CACNA1A: variants seen among roughly 807,000 people sequenced by gnomAD.
CACNA1A encodes voltage-dependent P/Q-type calcium channel subunit alpha-1A.
A neutral mutation model predicts 262.4 loss-of-function variants in CACNA1A; 57 were observed. That is an observed-to-expected ratio of 0.22 (90% CI 0.18 to 0.27). The LOEUF is 0.27. Ranked by LOEUF, CACNA1A falls within the 10% of genes least tolerant of loss-of-function variation. The pLI is 1.00. For missense variants in CACNA1A, 2,526 were observed against 3,562.8 expected (o/e 0.71, Z 7.41); for synonymous variants, 1,431 against 1,419.3 (o/e 1.01, Z -0.18).
intron 24 of CACNA1A, chr19:13,272,856 T>C (rs2144819321): frequency 6.6e-6 from 1 of 152,326 alleles, no homozygotes; most frequent in Non-Finnish European, 1.5e-5. Context: ...TAAAACATTC[T>C]GGCTTTTCAG....
chr19:13,464,743 T>C (rs1285630987), intron 1 of CACNA1A, among the ~76,000 whole-genome samples: 3 of 151,162 alleles, frequency 2.0e-5, no homozygotes, highest in Non-Finnish European at 4.4e-5. Flanking sequence ...AGAGACGGGG[T>C]TTCACCGTGT....
intron 3 of CACNA1A, among the ~76,000 whole-genome samples, chr19:13,390,570 T>G (rs2059694060): frequency 6.6e-6 from 1 of 152,202 alleles, no homozygotes; most frequent in Non-Finnish European, 1.5e-5. Flanking sequence ...TAAATTTCAT[T>G]TAATTCTAAA....
intron 1 of CACNA1A, among the ~76,000 whole-genome samples, chr19:13,466,723 G>C (rs1291043068): frequency 2.0e-5 from 3 of 151,512 alleles, no homozygotes; most frequent in African/African-American, 4.9e-5. Context: ...ATCATCATCT[G>C]ACCACGCATC....
intron 19 of CACNA1A, among the ~76,000 whole-genome samples, chr19:13,293,659 T>C (rs2057595747): frequency 1.3e-5 from 2 of 150,338 alleles, no homozygotes; most frequent in Admixed American, 6.7e-5. Flanking sequence ...GGTTTCACCA[T>C]ATTAGCCAGG....
intron 24 of CACNA1A, among the ~76,000 whole-genome samples, chr19:13,263,909 T>G (rs1266163648): frequency 6.6e-6 from 1 of 152,136 alleles, no homozygotes; most frequent in Non-Finnish European, 1.5e-5. Context: ...GGAAGATACT[T>G]AAAGTGGCCC....
intron 19 of CACNA1A, among the ~76,000 whole-genome samples, chr19:13,296,415 G>A (rs1009265172): frequency 6.6e-6 from 1 of 152,200 alleles, no homozygotes; most frequent in Non-Finnish European, 1.5e-5. Context: ...CTATTTTAAT[G>A]GGTAAGTTGT....
intron 2 of CACNA1A, among the ~76,000 whole-genome samples, chr19:13,453,652 C>T (rs1446723499): frequency 6.6e-6 from 1 of 152,208 alleles, no homozygotes; most frequent in Non-Finnish European, 1.5e-5. Flanking sequence ...TCCAGTTCCT[C>T]TGCAGAACCT....
chr19:13,372,449 G>C (rs1391332115), intron 3 of CACNA1A, among the ~76,000 whole-genome samples: 1 of 152,220 alleles, frequency 6.6e-6, no homozygotes, highest in African/African-American at 2.4e-5. Context: ...TGGGATTACA[G>C]GCGTGAGCCA....
chr19:13,290,040 T>C (rs1244853737), intron 19 of CACNA1A, among the ~76,000 whole-genome samples: 1 of 151,612 alleles, frequency 6.6e-6, no homozygotes, highest in African/African-American at 2.4e-5. Flanking sequence ...GTGATTCTCC[T>C]GCCTCAGCCT....
intron 31 of CACNA1A, among the ~76,000 whole-genome samples, chr19:13,238,253 C>T (rs2055945701): frequency 6.6e-6 from 1 of 152,140 alleles, no homozygotes; most frequent in South Asian, 2.1e-4. Flanking sequence ...GGTGCAGCTT[C>T]CTCTCTTCAA....
chr19:13,258,438 T>C (rs2144752620), intron 27 of CACNA1A: 1 of 152,372 alleles, frequency 6.6e-6, no homozygotes, highest in African/African-American at 2.4e-5. Flanking sequence ...CTTCACATGA[T>C]AGGCATGATA....
At chr19:13,245,394 G>A (rs559383870) in intron 30 of CACNA1A, 129 bp from the exon 31 acceptor site, 34 of 720,062 alleles carry the variant, frequency 4.7e-5, no homozygotes, top group East Asian at 1.1e-4. Context: ...ATGGTTGTTC[G>A]AAGGGCTGCG....
chr19:13,347,431 A>G (rs2145196646), intron 6 of CACNA1A, among the ~76,000 whole-genome samples: 3 of 152,096 alleles, frequency 2.0e-5, no homozygotes. Context: ...CTACTGTTTT[A>G]TTCTATCCCG....
intron 3 of CACNA1A, among the ~76,000 whole-genome samples, chr19:13,425,864 T>A (rs2060394004): frequency 6.6e-6 from 1 of 152,124 alleles, no homozygotes. Context: ...AAAACCAGCC[T>A]GGCCAACGTG....
chr19:13,223,583 C>T (rs2055317924), intron 38 of CACNA1A, among the ~76,000 whole-genome samples: 1 of 152,130 alleles, frequency 6.6e-6, no homozygotes, highest in Non-Finnish European at 1.5e-5. Context: ...CCTCAGTGGC[C>T]GGAGGGAACC....
intron 1 of CACNA1A, among the ~76,000 whole-genome samples, chr19:13,465,402 T>C (rs927220049): frequency 4.6e-5 from 7 of 152,248 alleles, no homozygotes; most frequent in African/African-American, 1.4e-4. Flanking sequence ...AAAATCTTCA[T>C]TGGACATTTC....
chr19:13,285,003 C>T (rs1223998328), intron 21 of CACNA1A, 65 bp downstream of exon 21: 1 of 1,576,584 alleles, frequency 6.3e-7, no homozygotes, highest in Non-Finnish European at 8.7e-7. Context: ...CTCTATCTGG[C>T]CTGACTTCCG....
Position 13,308,649 on chromosome 19 carries a change from G to A in CACNA1A, c.1669-121C>T, listed in dbSNP as rs377220050. 10 of 610,556 alleles carry A rather than the reference G, an allele frequency of 1.6e-5. No homozygotes were observed. Among genetic ancestry groups the A allele is most frequent in the African/African-American group, 3.7e-5 (2 of 53,998 alleles). The allele number at this position is 610,556 out of a possible 1,614,324, so 37.8% of individuals were successfully genotyped here. On this transcript the variant is annotated intron_variant, in intron 12 of 46. Transcript: ENST00000360228. The surrounding 1 kb of genome is among the most constrained non-coding windows in gnomAD (Gnocchi z 4.2). Reference sequence around the variant, plus strand: ...AAACTCCTCCCTCCAAATGGAAGCCGGGTGAGGATCCTTGACCCCCTCATT... The same window carrying A: ...AAACTCCTCCCTCCAAATGGAAGCCAGGTGAGGATCCTTGACCCCCTCATT...
chr19:13,294,985 C>T (rs2057631633), intron 19 of CACNA1A, among the ~76,000 whole-genome samples: 1 of 152,180 alleles, frequency 6.6e-6, no homozygotes, highest in African/African-American at 2.4e-5. Context: ...TGGTCCACCC[C>T]AGGGCCTTTG....
Sources: gnomAD v4.1 joint callset for allele counts (sites outside exome capture counted in the v4.1 genomes callset) on GRCh38, gnomAD v4.1.1 for gene constraint, Gnocchi (gnomAD v3.1) non-coding constraint, MANE v1.5 for transcripts, NCBI Gene and HGNC (gene_info 2026-07-23, HGNC 2026-07-21) for gene names.